Variants in HDAC9 observed in about 807,000 individuals in gnomAD.
The protein encoded by HDAC9 is histone deacetylase 9.
In HDAC9, 41 loss-of-function variants were observed where a neutral mutation model predicts 139.4. The observed-to-expected ratio is 0.29, with a 90% CI of 0.23 to 0.38. The LOEUF is 0.38. Among genes scored for constraint, HDAC9 ranks in the 10% least tolerant of loss-of-function variants. The pLI is 1.00. For synonymous variants in HDAC9, 517 were observed against 476.2 expected, an observed-to-expected ratio of 1.09 and a Z score of -1.12; for missense variants, 1,147 against 1,297.0, an observed-to-expected ratio of 0.88 and a Z score of 1.78.
intron 2 of HDAC9, among the ~76,000 whole-genome samples, chr7:18,536,636 T>C (rs545412436): frequency 6.6e-6 from 1 of 152,316 alleles, no homozygotes; most frequent in South Asian, 2.1e-4. Flanking sequence ...TGTTTGACCT[T>C]TACTTATATG....
intron 1 of HDAC9, among the ~76,000 whole-genome samples, chr7:18,124,725 C>T (rs1383549609): frequency 6.6e-6 from 1 of 152,060 alleles, no homozygotes; most frequent in East Asian, 1.9e-4. Context: ...AGAGATTGAT[C>T]TGGTTCCTTC....
chr7:18,505,135 G>A (rs767104977), intron 2 of HDAC9, among the ~76,000 whole-genome samples: 87 of 152,182 alleles, frequency 5.7e-4, no homozygotes, highest in Non-Finnish European at 1.2e-3. Flanking sequence ...CTATGAGCGT[G>A]CTCTTTTCCT....
chr7:18,823,001 A>G lies in HDAC9; in HGVS notation c.2323-6160A>G, dbSNP rs112720959. Among the ~76,000 whole-genome samples, 595 of 152,278 alleles carry G rather than the reference A, an allele frequency of 3.9e-3. 3 individuals carry two copies. The highest frequency in any genetic ancestry group is 0.013 in the African/African-American group (547 of 41,554). ...TTATTTGTCATTTTGTTCTGTTTTTATTAAGACTTAATATGTTTTTTATTC... is the reference window on the plus strand; with the variant it reads ...TTATTTGTCATTTTGTTCTGTTTTTGTTAAGACTTAATATGTTTTTTATTC... On this transcript the variant is annotated intron_variant, in intron 17 of 25. Transcript: ENST00000686413.
intron 24 of HDAC9, among the ~76,000 whole-genome samples, chr7:18,962,097 T>A (rs1783562074): frequency 6.6e-6 from 1 of 152,150 alleles, no homozygotes; most frequent in South Asian, 2.1e-4. Context: ...TTGAGCCCCT[T>A]ATAAACTTGT....
chr7:18,600,559 T>C (rs1833679462), intron 6 of HDAC9, among the ~76,000 whole-genome samples: 1 of 152,222 alleles, frequency 6.6e-6, no homozygotes, highest in East Asian at 1.9e-4. Flanking sequence ...CTCCAAAGAA[T>C]TGCCTTAGCT....
At chr7:18,917,822 C>T (rs1803343915) in intron 22 of HDAC9, among the ~76,000 whole-genome samples, 1 of 151,812 alleles carries the variant, frequency 6.6e-6, no homozygotes, top group South Asian at 2.1e-4. Flanking sequence ...AAATTCAGGC[C>T]CCCAAATCTA....
intron 8 of HDAC9, among the ~76,000 whole-genome samples, chr7:18,643,543 C>T (rs188543138): frequency 7.4e-4 from 112 of 152,200 alleles, no homozygotes; most frequent in Non-Finnish European, 4.4e-4. Flanking sequence ...TTTGGAATAA[C>T]ATCCTGTGTT....
chr7:18,272,824 C>A (rs13222886), intron 2 of HDAC9, among the ~76,000 whole-genome samples: 97 of 151,890 alleles, frequency 6.4e-4, no homozygotes, highest in African/African-American at 2.0e-3. Flanking sequence ...TCAGATTTAT[C>A]TGGAAGAGTA....
At chr7:18,843,052 A>C (rs918101911) in intron 21 of HDAC9, among the ~76,000 whole-genome samples, 1 of 152,022 alleles carries the variant, frequency 6.6e-6, no homozygotes, top group Non-Finnish European at 1.5e-5. Context: ...TTAAGACAAT[A>C]TTTTTTCTCT....
chr7:18,783,199 T>C (rs1391982879), intron 16 of HDAC9, among the ~76,000 whole-genome samples: 1 of 152,136 alleles, frequency 6.6e-6, no homozygotes, highest in Non-Finnish European at 1.5e-5. Flanking sequence ...AACTTATTAA[T>C]ACAAATTCCT....
chr7:18,503,675 T>C (rs994126839), intron 2 of HDAC9, among the ~76,000 whole-genome samples: 1 of 152,212 alleles, frequency 6.6e-6, no homozygotes, highest in Non-Finnish European at 1.5e-5. Flanking sequence ...CCACAGAGTG[T>C]AACTAGTCAT....
intron 2 of HDAC9, among the ~76,000 whole-genome samples, chr7:18,202,310 T>TGGTC (rs1791192314): frequency 6.6e-6 from 1 of 152,196 alleles, no homozygotes; most frequent in Non-Finnish European, 1.5e-5. Context: ...TTTTTTTAAA[T>TGGTC]CTTCTACATT....
At chr7:18,226,526 A>T (rs775118903) in intron 2 of HDAC9, among the ~76,000 whole-genome samples, 3 of 152,098 alleles carry the variant, frequency 2.0e-5, no homozygotes, top group Admixed American at 2.0e-4. Context: ...CTCCTTCCAT[A>T]AAAAAAACTA....
intron 1 of HDAC9, among the ~76,000 whole-genome samples, chr7:18,138,724 G>A (rs1202102994): frequency 6.6e-6 from 1 of 152,194 alleles, no homozygotes; most frequent in Non-Finnish European, 1.5e-5. Flanking sequence ...TAAGAATCTA[G>A]GTTGGCAGGG....
chr7:18,455,006 A>T lies in HDAC9; in HGVS notation c.-41-41256A>T, dbSNP rs143899207. Among the ~76,000 whole-genome samples, 907 of 152,210 alleles carry T rather than the reference A, an allele frequency of 6.0e-3. 10 individuals carry two copies. Among genetic ancestry groups the T allele is most frequent in the African/African-American group, 0.021 (861 of 41,566 alleles). ...TCTAATAAGGTGTCTCTGAACATACAGGTCTCACATAATTCACAGCTGCCT... is the reference window on the plus strand; with the variant it reads ...TCTAATAAGGTGTCTCTGAACATACTGGTCTCACATAATTCACAGCTGCCT... On this transcript the variant is annotated intron_variant, in intron 1 of 3. Transcript: ENST00000413509.
Position 18,789,286 on chromosome 7 carries a change from G to A in HDAC9, c.2215-4059G>A, listed in dbSNP as rs62446632. ...TTAATGCACACGCAGACACATACACGCACACACACACACACACACACACAG... is the reference window on the plus strand; with the variant it reads ...TTAATGCACACGCAGACACATACACACACACACACACACACACACACACAG... On this transcript the variant is annotated intron_variant, in intron 16 of 25. Coordinates refer to ENST00000686413, the MANE Select transcript of HDAC9 (RefSeq NM_178425.4). Among the ~76,000 whole-genome samples, 8 of 148,396 alleles carry A rather than the reference G, an allele frequency of 5.4e-5. No homozygotes were observed. The East Asian group carries it at 1.2e-3, about 23-fold the overall frequency.
At chr7:18,666,895 G>A (rs915307027) in intron 12 of HDAC9, 64 of 998,176 alleles carry the variant, frequency 6.4e-5, no homozygotes, top group Non-Finnish European at 7.0e-5. Flanking sequence ...TGAAGCATTC[G>A]ATTAGTTTTT....
intron 22 of HDAC9, 127 bp from the exon 23 acceptor site, chr7:18,935,682 A>G (rs775315843): frequency 3.5e-5 from 27 of 780,030 alleles, no homozygotes; most frequent in Non-Finnish European, 5.7e-5. Context: ...TATTTTAAGT[A>G]TTGGATGAGT....
At chr7:18,411,940 C>T (rs1355515597) in intron 1 of HDAC9, among the ~76,000 whole-genome samples, 1 of 151,132 alleles carries the variant, frequency 6.6e-6, no homozygotes, top group African/African-American at 2.4e-5. Flanking sequence ...ATTCTTCTGC[C>T]TCAGCCTCCT....
Sources: allele counts gnomAD v4.1 joint callset (sites outside exome capture counted in the v4.1 genomes callset), GRCh38; gene constraint gnomAD v4.1.1; transcripts MANE v1.5; gene names NCBI Gene and HGNC (gene_info 2026-07-23, HGNC 2026-07-21).